PRIM2: variants seen among roughly 807,000 people sequenced by gnomAD.
PRIM2 encodes DNA primase subunit 2.
PRIM2 carries 39 observed loss-of-function variants against 67.3 expected under a neutral mutation model. The observed-to-expected ratio is 0.58, with a 90% CI of 0.45 to 0.76. PRIM2 has a LOEUF of 0.76. Ranked by LOEUF, PRIM2 falls within the 30% of genes least tolerant of loss-of-function variation. The pLI, the probability that PRIM2 is intolerant of heterozygous loss-of-function variation, is 0.00. For missense variants in PRIM2, 398 were observed against 598.7 expected (o/e 0.66, Z 3.50); for synonymous variants, 143 against 198.7 (o/e 0.72, Z 2.36).
chr6:57,490,198 T>G (rs1773856749), intron 7 of PRIM2, among the ~76,000 whole-genome samples: 1 of 152,176 alleles, frequency 6.6e-6, no homozygotes, highest in Non-Finnish European at 1.5e-5. Flanking sequence ...CTTTAAAGGC[T>G]AATCCCTTTA....
chr6:57,224,565 TA>T, the PRIM2 span, among the ~76,000 whole-genome samples: 2 of 152,222 alleles, frequency 1.3e-5, no homozygotes, highest in African/African-American at 4.8e-5. Flanking sequence ...TCTTGAACTT[TA>T]TACTTAAAAA....
chr6:57,510,536 A>G lies in PRIM2; in HGVS notation c.761+3082A>G, dbSNP rs1348842857. Among the ~76,000 whole-genome samples the G allele has an allele frequency of 2.9e-3, 439 of 152,304 alleles. 2 individuals carry two copies. The highest frequency in any genetic ancestry group is 0.01 in the African/African-American group (422 of 41,568). The stretch of plus-strand genomic sequence containing the variant: ...AGTCCTTGAAAGTTGCACAAACTGT[A>G]CATTCATTTAAGGGCTTTTATTCTC... On this transcript the variant is annotated intron_variant, in intron 8 of 13. Transcript: ENST00000615550.
At chr6:57,528,747 C>G (rs1774818859) in intron 8 of PRIM2, among the ~76,000 whole-genome samples, 1 of 152,196 alleles carries the variant, frequency 6.6e-6, no homozygotes, top group Non-Finnish European at 1.5e-5. Flanking sequence ...TACTTCCCAG[C>G]TGGATGATGG....
At chr6:57,502,889 C>T (rs1274524871) in intron 7 of PRIM2, among the ~76,000 whole-genome samples, 1 of 152,146 alleles carries the variant, frequency 6.6e-6, no homozygotes, top group African/African-American at 2.4e-5. Context: ...CAGGGTAGTG[C>T]ACTTGCCCTC....
chr6:57,476,852 A>G (rs1773489335), intron 7 of PRIM2, among the ~76,000 whole-genome samples: 1 of 152,102 alleles, frequency 6.6e-6, no homozygotes, highest in African/African-American at 2.4e-5. Flanking sequence ...GGTTCAAGTG[A>G]TTCTCCTGCC....
chr6:57,400,210 A>G (rs1358443194), intron 7 of PRIM2, among the ~76,000 whole-genome samples: 1 of 152,242 alleles, frequency 6.6e-6, no homozygotes, highest in Non-Finnish European at 1.5e-5. Context: ...TGATCCGTGT[A>G]TTTAAGTGTC....
intron 7 of PRIM2, among the ~76,000 whole-genome samples, chr6:57,506,094 G>T (rs1554347214): frequency 0.51 from 75,880 of 147,430 alleles, 20,872 homozygotes; most frequent in African/African-American, 0.71. Context: ...GTTACATATA[G>T]GTTACTTAGT....
At chr6:57,272,826 T>A in the PRIM2 span, among the ~76,000 whole-genome samples, 28 of 152,216 alleles carry the variant, frequency 1.8e-4, no homozygotes, top group African/African-American at 6.8e-4. Flanking sequence ...GGCCTGATGG[T>A]GACAAAATCT....
chr6:57,420,872 A>AT (rs1771439649), intron 7 of PRIM2, among the ~76,000 whole-genome samples: 1 of 152,234 alleles, frequency 6.6e-6, no homozygotes, highest in Admixed American at 6.5e-5. Flanking sequence ...TTGTGGAGAT[A>AT]TCTGGCATGT....
chr6:57,366,390 A>G (rs1320906865), intron 5 of PRIM2, among the ~76,000 whole-genome samples: 1 of 152,194 alleles, frequency 6.6e-6, no homozygotes, highest in Admixed American at 6.5e-5. Context: ...TTTGATGGAC[A>G]CAAAGAGCCT....
At chr6:57,249,782 G>A in the PRIM2 span, among the ~76,000 whole-genome samples, 1 of 152,084 alleles carries the variant, frequency 6.6e-6, no homozygotes, top group Non-Finnish European at 1.5e-5. Context: ...ATGCTAACGT[G>A]CTGGTCAAAG....
intron 7 of PRIM2, among the ~76,000 whole-genome samples, chr6:57,457,678 C>G (rs140448897): frequency 1.3e-5 from 2 of 152,100 alleles, no homozygotes; most frequent in Admixed American, 6.5e-5. Context: ...TTCCAGGTGC[C>G]ATCTGTCACC....
intron 12 of PRIM2, among the ~76,000 whole-genome samples, chr6:57,619,614 G>T (rs1314866647): frequency 6.0e-4 from 92 of 152,184 alleles, no homozygotes; most frequent in Non-Finnish European, 9.4e-4. Context: ...TTTTAGAAAT[G>T]CAAAATGCTC....
chr6:57,457,090 C>A (rs1454025909), intron 7 of PRIM2, among the ~76,000 whole-genome samples: 1 of 152,186 alleles, frequency 6.6e-6, no homozygotes, highest in African/African-American at 2.4e-5. Flanking sequence ...GCAGCAGAAG[C>A]TGCAGAACAG....
chr6:57,537,486 C>T lies in PRIM2; in HGVS notation c.881C>T (p.Ala294Val). Residue 294 changes from alanine (A) to valine (V), a missense_variant, in exon 10 of 14, where the codon GCC (alanine) becomes GTC (valine). This residue lies in a region of PRIM2 where 229 missense variants were observed against 383.6 expected (regional missense o/e 0.60). Coordinates refer to ENST00000615550, the MANE Select transcript of PRIM2 (RefSeq NM_000947.5). ...CCTTGCATGCGTCAGTTACATAAAG[C>T]CTTGCGGGAAAATCACCATCTTCGT... ...FPPCMRQLHK[A>V]LRENHHLRHG... The T allele has an allele frequency of 2.0e-6, 3 of 1,525,576 alleles. No homozygotes were observed. The highest frequency in any genetic ancestry group is 2.7e-6 in the Non-Finnish European group (3 of 1,106,018). The allele number at this position is 1,525,576 out of a possible 1,614,324, so 94.5% of individuals were successfully genotyped here.
rs368838804 is a variant in PRIM2, at chr6:57,387,816, G to T, written c.693+5648G>T. ...ATTTGTTCATCCATGCATAGGTTTG[G>T]GTACTAGAGATACTACTTAACAAAT... is the stretch of plus-strand genomic sequence containing the variant. On this transcript the variant is annotated intron_variant, in intron 7 of 13. Coordinates refer to ENST00000615550, the MANE Select transcript of PRIM2 (RefSeq NM_000947.5). Among the ~76,000 whole-genome samples the T allele has an allele frequency of 7.2e-3, 1,077 of 150,624 alleles. 4 individuals are homozygous for T. The highest frequency in any genetic ancestry group is 0.013 in the Non-Finnish European group (869 of 67,668).
intron 7 of PRIM2, among the ~76,000 whole-genome samples, chr6:57,474,235 C>T (rs1332329241): frequency 1.0e-5 from 1 of 98,872 alleles, no homozygotes; most frequent in Non-Finnish European, 1.8e-5. Flanking sequence ...AGTGCAGTGG[C>T]GCCATCTTGG....
chr6:57,501,826 T>C (rs1774138589), intron 7 of PRIM2, among the ~76,000 whole-genome samples: 1 of 152,244 alleles, frequency 6.6e-6, no homozygotes, highest in Non-Finnish European at 1.5e-5. Flanking sequence ...TACAGTCATA[T>C]TTACACTGTC....
chr6:57,594,018 A>C (rs1468564579), intron 10 of PRIM2, among the ~76,000 whole-genome samples: 1 of 152,212 alleles, frequency 6.6e-6, no homozygotes, highest in Non-Finnish European at 1.5e-5. Flanking sequence ...GTATCTAATT[A>C]AATTCAATTC....
Sources: gnomAD v4.1 joint callset for allele counts (sites outside exome capture counted in the v4.1 genomes callset) on GRCh38, gnomAD v4.1.1 for gene constraint, gnomAD v4.1.1 regional missense constraint, MANE v1.5 for transcripts, NCBI Gene and HGNC (gene_info 2026-07-23, HGNC 2026-07-21) for gene names.